TBC1D4: variants seen among roughly 807,000 people sequenced by gnomAD.
TBC1D4 encodes TBC1 domain family member 4.
TBC1D4 carries 121 observed loss-of-function variants against 142.5 expected under a neutral mutation model. The observed-to-expected ratio is 0.85, with a 90% CI of 0.73 to 0.99. The LOEUF (loss-of-function observed/expected upper bound fraction) is 0.99, where lower values mean the gene tolerates loss of function less well. Among genes scored for constraint, TBC1D4 ranks in the 50% least tolerant of loss-of-function variants. The pLI, the probability that TBC1D4 is intolerant of heterozygous loss-of-function variation, is 0.00. For missense variants in TBC1D4, 1,475 were observed against 1,606.6 expected, an observed-to-expected ratio of 0.92 and a Z score of 1.40; for synonymous variants, 630 against 628.2, an observed-to-expected ratio of 1.00 and a Z score of -0.04.
chr13:75,466,769 G>T (rs1387706686), intron 1 of TBC1D4, among the ~76,000 whole-genome samples: 1 of 152,018 alleles, frequency 6.6e-6, no homozygotes, highest in Non-Finnish European at 1.5e-5. Context: ...AACTCGGGAG[G>T]CTGAGGCAGG....
chr13:75,458,903 C>A (rs1887849819), intron 1 of TBC1D4, among the ~76,000 whole-genome samples: 1 of 152,028 alleles, frequency 6.6e-6, no homozygotes, highest in Non-Finnish European at 1.5e-5. Flanking sequence ...AGACCTAGGG[C>A]CTTAGAAAGA....
At chr13:75,454,025 A>AT (rs71127543) in intron 1 of TBC1D4, among the ~76,000 whole-genome samples, 2,246 of 146,542 alleles carry the variant, frequency 0.015, 42 homozygotes, top group African/African-American at 0.019. Flanking sequence ...ATAAATCTCT[A>AT]TTTTTTTTTT....
At position 75,284,058 on chromosome 13, in the gene TBC1D4, G is replaced by A. The variant is rs1874482197; in HGVS notation, c.*2734C>T. Among the ~76,000 whole-genome samples the A allele has an allele frequency of 6.6e-6, 1 of 152,052 alleles. No homozygotes were observed. The highest frequency in any genetic ancestry group is 3.4e-3 in the Middle Eastern group (1 of 294). On this transcript the variant is annotated 3_prime_UTR_variant, in exon 21 of 21. Coordinates refer to ENST00000377636, the MANE Select transcript of TBC1D4 (RefSeq NM_014832.5). ...CAATATATGCCTCTCCTACTCTCCTGAGTAGCTGAGATTACAGATGCACAC... is the reference window on the plus strand; with the variant it reads ...CAATATATGCCTCTCCTACTCTCCTAAGTAGCTGAGATTACAGATGCACAC...
chr13:75,301,012 GGTCCTTTCCCA>G (rs1343742670), intron 16 of TBC1D4, among the ~76,000 whole-genome samples: 3 of 152,078 alleles, frequency 2.0e-5, no homozygotes, highest in African/African-American at 4.8e-5. Flanking sequence ...AACTGAGCTG[GGTCCTTTCCCA>G]GTAAGAGCCA....
At chr13:75,289,210 T>C (rs1875009878) in intron 19 of TBC1D4, 100 bp from the exon 20 acceptor site, 1 of 1,437,086 alleles carries the variant, frequency 7.0e-7, no homozygotes, top group South Asian at 1.2e-5. Flanking sequence ...CAAATACTTA[T>C]TAATGAAGAA....
chr13:75,458,501 T>C (rs1376665014), intron 1 of TBC1D4, among the ~76,000 whole-genome samples: 1 of 152,174 alleles, frequency 6.6e-6, no homozygotes, highest in Non-Finnish European at 1.5e-5. Context: ...GGAATGCCTG[T>C]TCCCATTTAA....
chr13:75,287,999 C>T (rs7324935), intron 20 of TBC1D4, among the ~76,000 whole-genome samples: 45,393 of 152,006 alleles, frequency 0.3, 7,917 homozygotes, highest in African/African-American at 0.48. Flanking sequence ...AGCCCCTCCC[C>T]TCAGGGCATG....
chr13:75,294,546 G>C (rs1373806820), intron 18 of TBC1D4, among the ~76,000 whole-genome samples: 1 of 152,202 alleles, frequency 6.6e-6, no homozygotes, highest in Non-Finnish European at 1.5e-5. Context: ...TACACAGTCT[G>C]TCCCTAGTCC....
intron 1 of TBC1D4, 75 bp downstream of exon 1, chr13:75,481,195 T>TGCCCCCCCCCCCC: frequency 4.6e-6 from 6 of 1,292,704 alleles, no homozygotes; most frequent in Non-Finnish European, 5.3e-6. Context: ...TAAAGTGGGG[T>TGCCCCCCCCCCCC]CCCCGCCCCT....
At chr13:75,476,109 G>A (rs1042352233) in intron 1 of TBC1D4, among the ~76,000 whole-genome samples, 3 of 152,028 alleles carry the variant, frequency 2.0e-5, no homozygotes, top group African/African-American at 4.8e-5. Context: ...TGGGCGTGGT[G>A]GTGCACTCCT....
intron 1 of TBC1D4, among the ~76,000 whole-genome samples, chr13:75,480,823 A>C (rs1277159484): frequency 6.6e-6 from 1 of 151,850 alleles, no homozygotes; most frequent in African/African-American, 2.4e-5. Context: ...ACTAGTGAGG[A>C]CCTCTAGGAA....
At chr13:75,388,083 T>C (rs1013742674) in intron 1 of TBC1D4, among the ~76,000 whole-genome samples, 2 of 152,196 alleles carry the variant, frequency 1.3e-5, no homozygotes, top group African/African-American at 4.8e-5. Context: ...TTCTTCCACC[T>C]GCAAAGCCGG....
At chr13:75,386,507 G>A (rs1593826264) in intron 1 of TBC1D4, among the ~76,000 whole-genome samples, 1 of 150,820 alleles carries the variant, frequency 6.6e-6, no homozygotes, top group African/African-American at 2.4e-5. Flanking sequence ...TCCTGCCTCA[G>A]CCTCCTGAGT....
At chr13:75,381,869 C>A (rs1244607748) in intron 1 of TBC1D4, among the ~76,000 whole-genome samples, 1 of 152,144 alleles carries the variant, frequency 6.6e-6, no homozygotes, top group Non-Finnish European at 1.5e-5. Flanking sequence ...GAAATAAGTG[C>A]TGTACGGCCA....
intron 1 of TBC1D4, among the ~76,000 whole-genome samples, chr13:75,375,009 G>T (rs1883422567): frequency 6.6e-6 from 1 of 152,150 alleles, no homozygotes; most frequent in Non-Finnish European, 1.5e-5. Context: ...CTGGTCCAGT[G>T]ACAGGTAAAG....
intron 1 of TBC1D4, among the ~76,000 whole-genome samples, chr13:75,405,727 T>C (rs1035855563): frequency 6.6e-6 from 1 of 152,208 alleles, no homozygotes; most frequent in Non-Finnish European, 1.5e-5. Flanking sequence ...AAAAAAAGGT[T>C]GTAAATAATA....
At chr13:75,431,834 G>A (rs1382488466) in intron 1 of TBC1D4, among the ~76,000 whole-genome samples, 12 of 152,134 alleles carry the variant, frequency 7.9e-5, no homozygotes, top group African/African-American at 2.9e-4. Context: ...TATGAAAGAA[G>A]ACATGGACTT....
At chr13:75,438,725 C>T (rs1476700356) in intron 1 of TBC1D4, among the ~76,000 whole-genome samples, 4 of 152,126 alleles carry the variant, frequency 2.6e-5, no homozygotes, top group Non-Finnish European at 5.9e-5. Context: ...ATGTCGACCT[C>T]AACGTCTATA....
chr13:75,381,252 G>C (rs1883830957), intron 1 of TBC1D4, among the ~76,000 whole-genome samples: 1 of 152,028 alleles, frequency 6.6e-6, no homozygotes, highest in South Asian at 2.1e-4. Context: ...TTTATTATGA[G>C]GAAATCATCA....
Sources: allele counts gnomAD v4.1 joint callset (sites outside exome capture counted in the v4.1 genomes callset), GRCh38; gene constraint gnomAD v4.1.1; transcripts MANE v1.5; gene names NCBI Gene and HGNC (gene_info 2026-07-23, HGNC 2026-07-21).